The following SART1 variants were observed in gnomAD, a reference collection of about 807,000 sequenced individuals.
SART1 encodes the protein U4/U6.U5 tri-snRNP-associated protein 1.
Under a neutral mutation model 105.0 loss-of-function variants are expected in SART1, and 28 were observed. The ratio of observed to expected loss-of-function variants is 0.27; its 90% CI spans 0.20 to 0.37. The LOEUF (loss-of-function observed/expected upper bound fraction) is 0.37. Among genes scored for constraint, SART1 ranks in the 10% least tolerant of loss-of-function variants. The pLI, the probability that SART1 is intolerant of heterozygous loss-of-function variation, is 1.00. For missense variants in SART1, 894 were observed against 1,106.5 expected (o/e 0.81, Z 2.72); for synonymous variants, 472 against 462.9 (o/e 1.02, Z -0.25).
chr11:65,978,077 C>T lies in SART1; in HGVS notation c.2172+178C>T, dbSNP rs1347295366. 3 of 658,630 alleles carry T rather than the reference C, an allele frequency of 4.6e-6. No homozygotes were observed. The highest frequency in any genetic ancestry group is 7.7e-6 in the Non-Finnish European group (3 of 389,282). 40.8% of individuals were successfully genotyped at this position (658,630 alleles called of 1,614,324 possible). A position where few individuals can be genotyped will look rare whatever the true frequency, so the allele number is the denominator to read the frequency against. On this transcript the variant is annotated intron_variant, in intron 17 of 19. Coordinates refer to ENST00000312397, the MANE Select transcript of SART1 (RefSeq NM_005146.5). The surrounding 1 kb of genome is among the most constrained non-coding windows in gnomAD (Gnocchi z 6.8). ...CCCTCAGGGCTGAGGAAGGCTGTGC[C>T]TCAGTTTGTCTCTAGTGGGCACAGC... is the stretch of plus-strand genomic sequence containing the variant.
In SART1 at chr11:65,961,939, G is replaced by A. The variant is rs1454286022; in HGVS notation, c.159G>A (p.Arg53=). 2.6e-6 allele frequency: 4 copies of A among 1,529,178 alleles called. No individual in the cohort carries two copies. The East Asian group carries it at 1.1e-4, about 40-fold the overall frequency. 94.7% of individuals were successfully genotyped at this position (1,529,178 alleles called of 1,614,324 possible). The part of the protein sequence containing the change: ...GGSGGSGGER[R]KRSRERGGER... ...GTGGCGGTAGCGGTGGCGAACGACG[G>A]AAGCGGAGCCGGGAACGTGGGGGCG... is the stretch of plus-strand genomic sequence containing the variant. The change falls in exon 1 of 20, where the codon CGG becomes CGA. Residue 53 remains arginine (R), a synonymous_variant. Transcript: ENST00000312397.
rs765077904 is a variant in SART1, at chr11:65,965,299, G to T, written c.555-43G>T. ...GGCTGCCTCTTGAGTGGGGTGGGGA[G>T]CAGGAGCTGGGCTCCTTGAGCATCA... On this transcript the variant is annotated intron_variant, in intron 4 of 19. Coordinates refer to ENST00000312397, the MANE Select transcript of SART1 (RefSeq NM_005146.5). 10 of 1,600,432 alleles carry T rather than the reference G, an allele frequency of 6.2e-6. No individual in the cohort carries two copies. In the African/African-American group the frequency reaches 8.0e-5, roughly 13 times the overall value.
Position 65,966,004 on chromosome 11 carries a change from C to T in SART1, c.838+18C>T, listed in dbSNP as rs1347315450. The stretch of plus-strand genomic sequence containing the variant: ...GGACAAAGGTAATGCGAGCTGGGTG[C>T]CCTGGGTGGGGGCACAGCCTCTGCT... On this transcript the variant is annotated intron_variant, in intron 7 of 19. Transcript: ENST00000312397. 15 of 1,613,986 alleles carry T rather than the reference C, an allele frequency of 9.3e-6. No homozygotes were observed. The highest frequency in any genetic ancestry group is 1.0e-5 in the Non-Finnish European group (12 of 1,179,974).
At chr11:65,967,945 GT>G (rs1855295725) in intron 12 of SART1, 124 bp downstream of exon 12, 1 of 763,810 alleles carries the variant, frequency 1.3e-6, no homozygotes, top group Non-Finnish European at 1.9e-6. Flanking sequence ...TGTTTTCTGG[GT>G]TTGTTTTTTT....
Position 65,967,263 on chromosome 11 carries a change from C to G in SART1, c.1193C>G (p.Thr398Ser). The change falls in exon 10 of 20, where the codon ACC becomes AGC. Residue 398 changes from threonine to serine, a missense_variant. Thr to Ser is a moderately conservative substitution (Grantham distance 58). Transcript: ENST00000312397. ...SEYLTPEEMVTFKKTKRRVKK... is the reference protein window; with the variant it reads ...SEYLTPEEMVSFKKTKRRVKK... ...TCTCGCCCCTCTTCCCTTAAGGTGA[C>G]CTTTAAAAAGACCAAGCGGAGGGTG... 1.2e-6 allele frequency: 2 copies of G among 1,613,968 alleles called. No individual in the cohort carries two copies. Among genetic ancestry groups the G allele is most frequent in the South Asian group, 1.1e-5 (1 of 91,060 alleles).
chr11:65,979,465 G>A lies in SART1; in HGVS notation c.*435G>A. Reference sequence around the variant, plus strand: ...GGCACAGGTGCCACCTTCTGTCCTGGCTGTCCTGTGCCACCCTGGTCTGTG... The same window carrying A: ...GGCACAGGTGCCACCTTCTGTCCTGACTGTCCTGTGCCACCCTGGTCTGTG... On this transcript the variant is annotated 3_prime_UTR_variant, in exon 20 of 20. Coordinates refer to ENST00000312397, the MANE Select transcript of SART1 (RefSeq NM_005146.5). 1 of 231,028 alleles carries A rather than the reference G, an allele frequency of 4.3e-6. No homozygotes were observed. Among genetic ancestry groups the A allele is most frequent in the Non-Finnish European group, 8.6e-6 (1 of 116,430 alleles). The allele number at this position is 231,028 out of a possible 1,614,324, so 14.3% of individuals were successfully genotyped here. A position where few individuals can be genotyped will look rare whatever the true frequency, so the allele number is the denominator to read the frequency against.
intron 1 of SART1, 58 bp from the exon 2 acceptor site, chr11:65,964,016 C>T (rs1303223854): frequency 7.8e-6 from 12 of 1,540,186 alleles, no homozygotes; most frequent in African/African-American, 2.7e-5. Context: ...CTGGAGCCAA[C>T]GATGCTGGCT....
chr11:65,966,271 TG>T, intron 8 of SART1, 53 bp downstream of exon 8: 1 of 1,613,584 alleles, frequency 6.2e-7, no homozygotes, highest in Non-Finnish European at 8.5e-7. Context: ...ATGTCGGGAA[TG>T]GGGGCTCTGA....
rs1305854292 is a variant in SART1 at position 65,979,406 on chromosome 11, C to T, written c.*376C>T. The T allele has an allele frequency of 3.4e-6, 1 of 293,696 alleles. No homozygotes were observed. The highest frequency in any genetic ancestry group is 6.4e-6 in the Non-Finnish European group (1 of 155,484). 18.2% of individuals were successfully genotyped at this position (293,696 alleles called of 1,614,324 possible). On this transcript the variant is annotated 3_prime_UTR_variant, in exon 20 of 20. Coordinates refer to ENST00000312397, the MANE Select transcript of SART1 (RefSeq NM_005146.5). The stretch of plus-strand genomic sequence containing the variant: ...CCGGTCAGGGCAGCCCAGGACTGCC[C>T]AGCCTGGTGGGCTGGGGATTGGGCT...
chr11:65,963,606 C>T (rs1488240964), intron 1 of SART1, among the ~76,000 whole-genome samples: 1 of 152,064 alleles, frequency 6.6e-6, no homozygotes, highest in Admixed American at 6.6e-5. Context: ...CTCAGCCTCC[C>T]GAGTATCTGG....
intron 15 of SART1, 24 bp downstream of exon 15, chr11:65,977,125 A>G: frequency 1.9e-6 from 3 of 1,576,760 alleles, no homozygotes; most frequent in Non-Finnish European, 2.6e-6. Flanking sequence ...GGCAGCCATG[A>G]CTTGGGTGGG....
rs1565317822 is a variant in SART1, at chr11:65,976,307, G to A, written c.1573-88G>A. The A allele has an allele frequency of 7.2e-7, 1 of 1,387,314 alleles. No homozygotes were observed. The highest frequency in any genetic ancestry group is 1.5e-5 in the African/African-American group (1 of 68,484). The allele number at this position is 1,387,314 out of a possible 1,614,324, so 85.9% of individuals were successfully genotyped here. A position where few individuals can be genotyped will look rare whatever the true frequency, so the allele number is the denominator to read the frequency against. On this transcript the variant is annotated intron_variant, in intron 12 of 19. Coordinates refer to ENST00000312397, the MANE Select transcript of SART1 (RefSeq NM_005146.5). This position sits in a 1 kb window ranked among gnomAD's most constrained non-coding sequence, Gnocchi z 5.1. ...GGCTGTGGGCGTGGCCTGTCTGGCTGCTGCCAGGGAGGACCCTTAGGTTCC... is the reference window on the plus strand; with the variant it reads ...GGCTGTGGGCGTGGCCTGTCTGGCTACTGCCAGGGAGGACCCTTAGGTTCC...
In SART1 at chr11:65,976,344, G is replaced by A; in HGVS notation, c.1573-51G>A. ...GACCCTTAGGTTCCTGGGTCTCAAT[G>A]GCATCACCCCAGAAACTGCTGGGTT... On this transcript the variant is annotated intron_variant, in intron 12 of 19. Transcript: ENST00000312397. This position sits in a 1 kb window ranked among gnomAD's most constrained non-coding sequence, Gnocchi z 5.1. The A allele has an allele frequency of 2.7e-6, 4 of 1,465,568 alleles. No individual in the cohort carries two copies. Among genetic ancestry groups the A allele is most frequent in the Non-Finnish European group, 3.6e-6 (4 of 1,107,826 alleles). The allele number at this position is 1,465,568 out of a possible 1,614,324, so 90.8% of individuals were successfully genotyped here. A position where few individuals can be genotyped will look rare whatever the true frequency, so the allele number is the denominator to read the frequency against.
chr11:65,979,983 A>T lies in SART1; in HGVS notation c.*953A>T, dbSNP rs1855555839. Among the ~76,000 whole-genome samples, 1 of 151,918 alleles carries T rather than the reference A, an allele frequency of 6.6e-6. No homozygotes were observed. Among genetic ancestry groups the T allele is most frequent in the Non-Finnish European group, 1.5e-5 (1 of 67,948 alleles). On this transcript the variant is annotated 3_prime_UTR_variant, in exon 20 of 20. Coordinates refer to ENST00000312397, the MANE Select transcript of SART1 (RefSeq NM_005146.5). Reference sequence around the variant, plus strand: ...CAAAGATTAGCCAGGCGTGGTGGTGAGCGCCTGTAGTCCCAGCTACTTGGG... The same window carrying T: ...CAAAGATTAGCCAGGCGTGGTGGTGTGCGCCTGTAGTCCCAGCTACTTGGG...
intron 3 of SART1, 174 bp from the exon 4 acceptor site, chr11:65,964,918 G>C (rs576894224): frequency 1.3e-6 from 1 of 797,356 alleles, no homozygotes; most frequent in South Asian, 2.2e-5. Flanking sequence ...CTGTTGTGCT[G>C]CATGGGTTGG....
In SART1 at chr11:65,967,805, G is replaced by T; in HGVS notation, c.1556G>T (p.Arg519Leu). The T allele has an allele frequency of 6.5e-7, 1 of 1,541,174 alleles. No individual in the cohort carries two copies. Among genetic ancestry groups the T allele is most frequent in the South Asian group, 1.2e-5 (1 of 83,304 alleles). ...CAGTTACAGCAGCTACAGCAGCTGC[G>T]AGACAGTGGCGAGAAGGTGAGGCTG... ...LRQLQQLQQL[R>L]DSGEKVVEIV... The change falls in exon 12 of 20, where the codon CGA becomes CTA. Residue 519 changes from arginine (R) to leucine (L), a missense_variant. Coordinates refer to ENST00000312397, the MANE Select transcript of SART1 (RefSeq NM_005146.5).
chr11:65,963,984 G>A (rs1196500873), intron 1 of SART1, 90 bp from the exon 2 acceptor site: 2 of 1,092,236 alleles, frequency 1.8e-6, no homozygotes, highest in Admixed American at 2.0e-5. Context: ...CTGGTGAGGG[G>A]CCCTCATTTT....
chr11:65,973,726 G>A (rs926793247), intron 12 of SART1, among the ~76,000 whole-genome samples: 8 of 152,176 alleles, frequency 5.3e-5, no homozygotes, highest in African/African-American at 1.4e-4. Flanking sequence ...ATCCTCAGTG[G>A]GCTAGAGAGC....
At chr11:65,973,095 A>G (rs1348975432) in intron 12 of SART1, among the ~76,000 whole-genome samples, 1 of 151,938 alleles carries the variant, frequency 6.6e-6, no homozygotes, top group Non-Finnish European at 1.5e-5. Context: ...AATGGTGTGA[A>G]CCCAGGAGGC....
Sources: gnomAD v4.1 joint callset for allele counts (sites outside exome capture counted in the v4.1 genomes callset) on GRCh38, gnomAD v4.1.1 for gene constraint, Gnocchi (gnomAD v3.1) non-coding constraint, MANE v1.5 for transcripts, NCBI Gene and HGNC (gene_info 2026-07-23, HGNC 2026-07-21) for gene names.